NF1: variants seen among roughly 807,000 people sequenced by gnomAD.
NF1 encodes neurofibromin.
NF1 carries 122 observed loss-of-function variants against 325.7 expected under a neutral mutation model. The ratio of observed to expected loss-of-function variants is 0.37; its 90% CI spans 0.32 to 0.44. The LOEUF is 0.44. Ranked by LOEUF, NF1 falls within the 20% of genes least tolerant of loss-of-function variation. NF1 has a pLI of 1.00. For synonymous variants in NF1, 1,091 were observed against 1,186.0 expected (o/e 0.92, Z 1.65); for missense variants, 2,140 against 3,415.4 (o/e 0.63, Z 9.31).
intron 3 of NF1, among the ~76,000 whole-genome samples, chr17:31,162,073 A>G (rs1328663576): frequency 2.6e-5 from 4 of 151,926 alleles, no homozygotes; most frequent in Admixed American, 2.6e-4. Flanking sequence ...AAAATATACA[A>G]TACAGTAACT....
intron 29 of NF1, among the ~76,000 whole-genome samples, chr17:31,240,251 G>A (rs2067272887): frequency 6.6e-6 from 1 of 151,838 alleles, no homozygotes; most frequent in Non-Finnish European, 1.5e-5. Flanking sequence ...CCAGCCTCTG[G>A]GTAACTATCA....
At chr17:31,304,983 A>T in intron 36 of NF1, 1 of 1,614,216 alleles carries the variant, frequency 6.2e-7, no homozygotes, top group Non-Finnish European at 8.5e-7. Flanking sequence ...TCAGAAGTAC[A>T]CCAATTAGTA....
intron 1 of NF1, among the ~76,000 whole-genome samples, chr17:31,104,348 GGT>G (rs1912660276): frequency 6.6e-6 from 1 of 152,146 alleles, no homozygotes; most frequent in Non-Finnish European, 1.5e-5. Flanking sequence ...ATATTTTGGA[GGT>G]GTGTGTGTAT....
intron 36 of NF1, among the ~76,000 whole-genome samples, chr17:31,315,971 A>C (rs2069010434): frequency 6.6e-6 from 1 of 152,138 alleles, no homozygotes; most frequent in African/African-American, 2.4e-5. Context: ...TGTGTTGCGC[A>C]GGCTGGTCTT....
chr17:31,147,328 T>C (rs1455126595), intron 1 of NF1, among the ~76,000 whole-genome samples: 1 of 152,270 alleles, frequency 6.6e-6, no homozygotes, highest in African/African-American at 2.4e-5. Context: ...ACAATATGTC[T>C]TGTTCTGACT....
rs887085924 is a variant in NF1, at chr17:31,097,642, A to AT, written c.60+2278dup. Among the ~76,000 whole-genome samples the AT allele has an allele frequency of 1.8e-4, 28 of 151,986 alleles. 1 individual carries two copies. The Middle Eastern group carries it at 0.017, about 92-fold the overall frequency. ...TAAGGACATTAGTTTTTAAAACAGC[A>AT]TTTTTCTGCATTCCTTATGTTGTAA... On this transcript the variant is annotated intron_variant, in intron 1 of 57. Transcript: ENST00000358273.
At chr17:31,371,103 C>T (rs1290671326) in intron 57 of NF1, among the ~76,000 whole-genome samples, 1 of 152,084 alleles carries the variant, frequency 6.6e-6, no homozygotes, top group Non-Finnish European at 1.5e-5. Flanking sequence ...CTCTGAATTA[C>T]AGGTATCTAG....
At chr17:31,111,297 A>C (rs1482255706) in intron 1 of NF1, among the ~76,000 whole-genome samples, 1 of 152,120 alleles carries the variant, frequency 6.6e-6, no homozygotes, top group African/African-American at 2.4e-5. Flanking sequence ...GTGTAATTGG[A>C]GACCCAAAAG....
At chr17:31,295,235 C>T (rs749430775) in intron 36 of NF1, 1 of 1,613,962 alleles carries the variant, frequency 6.2e-7, no homozygotes, top group South Asian at 1.1e-5. Context: ...GCTAGTGAGG[C>T]TTGTGTTTGT....
chr17:31,277,742 GT>G (rs1404886476), intron 36 of NF1, among the ~76,000 whole-genome samples: 1 of 152,214 alleles, frequency 6.6e-6, no homozygotes, highest in Non-Finnish European at 1.5e-5. Context: ...CATCCATGCA[GT>G]ATGGTTTTTG....
chr17:31,146,994 G>A (rs576466114), intron 1 of NF1, among the ~76,000 whole-genome samples: 28 of 152,342 alleles, frequency 1.8e-4, no homozygotes, highest in Middle Eastern at 3.4e-3. Context: ...TGTCTACCAC[G>A]ATTTCTCTGT....
intron 16 of NF1, among the ~76,000 whole-genome samples, chr17:31,224,838 T>C (rs1176299605): frequency 1.3e-5 from 2 of 152,208 alleles, no homozygotes; most frequent in Non-Finnish European, 2.9e-5. Flanking sequence ...CTCATGTTTA[T>C]GTCAGACTTA....
At chr17:31,291,968 CACA>C (rs2068352056) in intron 36 of NF1, among the ~76,000 whole-genome samples, 1 of 152,140 alleles carries the variant, frequency 6.6e-6, no homozygotes, top group Non-Finnish European at 1.5e-5. Flanking sequence ...TAATAATCCT[CACA>C]ACAACAACAT....
intron 36 of NF1, among the ~76,000 whole-genome samples, chr17:31,303,003 C>T (rs1258555181): frequency 2.0e-5 from 3 of 152,222 alleles, no homozygotes; most frequent in South Asian, 2.1e-4. Flanking sequence ...GTAAAGATGG[C>T]TTGAAAGATT....
intron 14 of NF1, 65 bp downstream of exon 14, chr17:31,219,183 C>A: frequency 6.5e-7 from 1 of 1,526,858 alleles, no homozygotes; most frequent in South Asian, 1.2e-5. Flanking sequence ...TCATGATGTT[C>A]CTTTGGTGTG....
At chr17:31,359,233 C>CTT (rs1311932486) in intron 56 of NF1, 1 of 534,810 alleles carries the variant, frequency 1.9e-6, no homozygotes, top group East Asian at 3.2e-5. Flanking sequence ...ACAAAGTCAA[C>CTT]TTATGATCAA....
At chr17:31,309,893 A>G (rs2068822353) in intron 36 of NF1, among the ~76,000 whole-genome samples, 1 of 152,186 alleles carries the variant, frequency 6.6e-6, no homozygotes, top group African/African-American at 2.4e-5. Flanking sequence ...CTATCCTAAC[A>G]CTTTCTACCA....
rs1597716976 is a variant in NF1 at position 31,230,354 on chromosome 17, C to T, written c.3085C>T (p.Leu1029Phe). Residue 1029 changes from leucine to phenylalanine, a missense_variant, in exon 23 of 58, where the codon CTC (leucine) becomes TTC (phenylalanine). Leu to Phe is a conservative substitution (Grantham distance 22). This residue lies in a region of NF1 where 380 missense variants were observed against 639.3 expected (regional missense o/e 0.59). Coordinates refer to ENST00000358273, the MANE Select transcript of NF1 (RefSeq NM_001042492.3). The part of the protein sequence containing the change: ...VEVMMARRDD[L>F]SFCQEMKFRN... ...AGTAATGATGGCAAGGAGAGATGAC[C>T]TCTCATTTTGCCAAGAGATGAAATT... 2.5e-6 allele frequency: 4 copies of T among 1,613,346 alleles called. No individual in the cohort carries two copies. Among genetic ancestry groups the T allele is most frequent in the Non-Finnish European group, 3.4e-6 (4 of 1,179,562 alleles).
chr17:31,147,516 A>C (rs1567810572), intron 1 of NF1, among the ~76,000 whole-genome samples: 1 of 152,140 alleles, frequency 6.6e-6, no homozygotes, highest in Non-Finnish European at 1.5e-5. Context: ...ATTGTTGTGC[A>C]TGTCTTTTGG....
Sources: gnomAD v4.1 joint callset for allele counts (sites outside exome capture counted in the v4.1 genomes callset) on GRCh38, gnomAD v4.1.1 for gene constraint, gnomAD v4.1.1 regional missense constraint, MANE v1.5 for transcripts, NCBI Gene and HGNC (gene_info 2026-07-23, HGNC 2026-07-21) for gene names.